Variants in CCDC169 observed in about 807,000 individuals in gnomAD.
CCDC169 encodes coiled-coil domain-containing protein 169.
CCDC169 carries 30 observed loss-of-function variants against 36.0 expected under a neutral mutation model. That is an observed-to-expected ratio of 0.83 (90% CI 0.62 to 1.13). The LOEUF is 1.13. Ranked by LOEUF, CCDC169 falls within the 50% of genes most tolerant of loss-of-function variation. The pLI, the probability that CCDC169 is intolerant of heterozygous loss-of-function variation, is 0.00. For synonymous variants in CCDC169, 85 were observed against 81.5 expected (o/e 1.04, Z -0.23); for missense variants, 245 against 245.9 (o/e 1.00, Z 0.03).
At chr13:36,238,532 G>C (rs1871351757) in intron 7 of CCDC169, among the ~76,000 whole-genome samples, 1 of 151,990 alleles carries the variant, frequency 6.6e-6, no homozygotes. Context: ...TATTAATCAT[G>C]TTTAAAAATG....
intron 2 of CCDC169, among the ~76,000 whole-genome samples, chr13:36,289,498 T>A (rs570902878): frequency 6.6e-6 from 1 of 152,346 alleles, no homozygotes; most frequent in South Asian, 2.1e-4. Context: ...GCTATACTCA[T>A]AACCCTGAAC....
chr13:36,275,157 G>A (rs1289047189), intron 4 of CCDC169, among the ~76,000 whole-genome samples: 1 of 151,718 alleles, frequency 6.6e-6, no homozygotes, highest in Non-Finnish European at 1.5e-5. Context: ...GTGAGCCACC[G>A]CGCTCGGCCT....
At chr13:36,223,364 G>A (rs1026295022), downstream of CCDC169, 5 of 152,094 alleles carry the variant, frequency 3.3e-5, no homozygotes, top group African/African-American at 1.2e-4. Flanking sequence ...CAATTTCAAC[G>A]ATGATAAACT....
At chr13:36,232,499 A>G (rs2138381352) in intron 7 of CCDC169, among the ~76,000 whole-genome samples, 1 of 152,226 alleles carries the variant, frequency 6.6e-6, no homozygotes, top group South Asian at 2.1e-4. Context: ...GCTTAAAAGG[A>G]AAAGCTGAGA....
At chr13:36,239,185 C>T (rs576646406) in intron 7 of CCDC169, among the ~76,000 whole-genome samples, 6 of 150,858 alleles carry the variant, frequency 4.0e-5, no homozygotes, top group African/African-American at 1.5e-4. Flanking sequence ...TTAAAGTGAG[C>T]AATCATTGTA....
intron 7 of CCDC169, among the ~76,000 whole-genome samples, chr13:36,239,109 A>C (rs1871431888): frequency 6.6e-6 from 1 of 152,044 alleles, no homozygotes; most frequent in East Asian, 1.9e-4. Flanking sequence ...ATGGTGGCTC[A>C]TGCCTATAGT....
At chr13:36,257,285 G>C (rs955504073) in intron 4 of CCDC169, among the ~76,000 whole-genome samples, 3 of 152,146 alleles carry the variant, frequency 2.0e-5, no homozygotes, top group African/African-American at 7.2e-5. Flanking sequence ...GTCAAAGCAG[G>C]GCTATCTCAT....
At chr13:36,269,707 C>G (rs1047585682) in intron 4 of CCDC169, among the ~76,000 whole-genome samples, 1 of 152,146 alleles carries the variant, frequency 6.6e-6, no homozygotes, top group African/African-American at 2.4e-5. Flanking sequence ...AGAAAAAGCA[C>G]TGGACAAAAT....
At chr13:36,260,427 C>T (rs972817129) in intron 4 of CCDC169, among the ~76,000 whole-genome samples, 1 of 152,126 alleles carries the variant, frequency 6.6e-6, no homozygotes, top group African/African-American at 2.4e-5. Flanking sequence ...AAGTGTATGG[C>T]ACTTTTTTTA....
downstream of CCDC169, among the ~76,000 whole-genome samples, chr13:36,229,090 C>T (rs1040268931): frequency 2.0e-5 from 3 of 152,160 alleles, no homozygotes. Flanking sequence ...TAATTCACAT[C>T]CCTTCTAGTG....
intron 4 of CCDC169, among the ~76,000 whole-genome samples, chr13:36,267,668 T>A (rs1875510122): frequency 6.6e-6 from 1 of 152,108 alleles, no homozygotes; most frequent in Non-Finnish European, 1.5e-5. Flanking sequence ...AGAATGAATT[T>A]AAAAAATCAC....
rs150370214 is a variant in CCDC169 at position 36,236,354 on chromosome 13, G to A, written c.546-5062C>T. Among the ~76,000 whole-genome samples the A allele has an allele frequency of 5.3e-5, 8 of 152,030 alleles. No individual in the cohort carries two copies. In the East Asian group the frequency reaches 5.8e-4, roughly 11 times the overall value. ...GTCTAAGAGTAAACCCATATGTTAC[G>A]GTCAATTGTTTTTTTACAAGAGTGC... On this transcript the variant is annotated intron_variant, in intron 7 of 7. Coordinates refer to ENST00000239859, the MANE Select transcript of CCDC169 (RefSeq NM_001144981.3).
chr13:36,224,542 T>G (rs1391490993), downstream of CCDC169: 1 of 152,082 alleles, frequency 6.6e-6, no homozygotes, highest in East Asian at 1.9e-4. Context: ...AATAGCCACA[T>G]ACACAAAGAC....
At chr13:36,246,874 T>G (rs1219098250) in intron 7 of CCDC169, among the ~76,000 whole-genome samples, 1 of 152,112 alleles carries the variant, frequency 6.6e-6, no homozygotes, top group Non-Finnish European at 1.5e-5. Flanking sequence ...CCACAGTCCA[T>G]GTGACTTTTA....
chr13:36,248,393 T>C (rs1019421073), intron 7 of CCDC169, among the ~76,000 whole-genome samples: 1 of 151,892 alleles, frequency 6.6e-6, no homozygotes, highest in African/African-American at 2.4e-5. Context: ...TTATCGTGCT[T>C]GAGGACCAAA....
At chr13:36,242,960 C>G (rs1872024708) in intron 7 of CCDC169, among the ~76,000 whole-genome samples, 1 of 152,126 alleles carries the variant, frequency 6.6e-6, no homozygotes, top group Non-Finnish European at 1.5e-5. Flanking sequence ...TAGTAACTTG[C>G]CCAATTCTGA....
chr13:36,227,504 A>T, downstream of CCDC169: 1 of 1,098,952 alleles, frequency 9.1e-7, no homozygotes, highest in Non-Finnish European at 1.2e-6. Flanking sequence ...ACACAAAAAT[A>T]AATAAATAAA....
intron 7 of CCDC169, 72 bp downstream of exon 7, chr13:36,248,534 G>A: frequency 2.1e-6 from 3 of 1,403,032 alleles, no homozygotes; most frequent in Admixed American, 2.1e-5. Flanking sequence ...AAATATAGTG[G>A]ACACCTGTTT....
intron 7 of CCDC169, among the ~76,000 whole-genome samples, chr13:36,239,107 T>A (rs2138411848): frequency 6.6e-6 from 1 of 152,050 alleles, no homozygotes; most frequent in East Asian, 1.9e-4. Context: ...ACATGGTGGC[T>A]CATGCCTATA....
Sources: gnomAD v4.1 joint callset for allele counts (sites outside exome capture counted in the v4.1 genomes callset) on GRCh38, gnomAD v4.1.1 for gene constraint, MANE v1.5 for transcripts, NCBI Gene and HGNC (gene_info 2026-07-23, HGNC 2026-07-21) for gene names.